LHFPL3: variants seen among roughly 807,000 people sequenced by gnomAD.
The protein encoded by LHFPL3 is LHFPL tetraspan subfamily member 3 protein.
A neutral mutation model predicts 19.3 loss-of-function variants in LHFPL3; 5 were observed. The observed-to-expected ratio is 0.26, with a 90% CI of 0.14 to 0.54. The LOEUF (loss-of-function observed/expected upper bound fraction) is 0.54, where lower values mean the gene tolerates loss of function less well. Among genes scored for constraint, LHFPL3 ranks in the 20% least tolerant of loss-of-function variants. The probability of loss-of-function intolerance (pLI) is 0.94; values close to 1 mark genes in which losing one functional copy is unlikely to be tolerated. For synonymous variants in LHFPL3, 133 were observed against 126.2 expected (o/e 1.05, Z -0.36); for missense variants, 249 against 307.4 (o/e 0.81, Z 1.42).
At chr7:104,461,222 A>T (rs1236124429) in intron 1 of LHFPL3, among the ~76,000 whole-genome samples, 1 of 152,172 alleles carries the variant, frequency 6.6e-6, no homozygotes, top group Non-Finnish European at 1.5e-5. Flanking sequence ...TCTCCTGAGA[A>T]CTCACTATTA....
At chr7:104,659,497 G>C (rs1053053952) in intron 1 of LHFPL3, among the ~76,000 whole-genome samples, 3 of 152,206 alleles carry the variant, frequency 2.0e-5, no homozygotes, top group Non-Finnish European at 2.9e-5. Context: ...CCTTTCAGGA[G>C]TACTCCATAA....
intron 1 of LHFPL3, among the ~76,000 whole-genome samples, chr7:104,654,190 A>G (rs1240133066): frequency 6.6e-6 from 1 of 152,200 alleles, no homozygotes; most frequent in Admixed American, 6.5e-5. Flanking sequence ...GAAATAGCCA[A>G]GCAGATGTGA....
intron 1 of LHFPL3, among the ~76,000 whole-genome samples, chr7:104,677,062 T>C (rs1412957377): frequency 2.0e-5 from 3 of 152,196 alleles, no homozygotes; most frequent in African/African-American, 7.2e-5. Context: ...TTAAAAACAA[T>C]GTCATATAAG....
intron 1 of LHFPL3, among the ~76,000 whole-genome samples, chr7:104,526,638 C>T (rs1401730770): frequency 2.6e-5 from 4 of 152,180 alleles, no homozygotes; most frequent in African/African-American, 9.7e-5. Context: ...ATCATATTGA[C>T]TTAAGAAATG....
chr7:104,603,855 G>A (rs1444600970), intron 1 of LHFPL3, among the ~76,000 whole-genome samples: 1 of 152,212 alleles, frequency 6.6e-6, no homozygotes, highest in African/African-American at 2.4e-5. Context: ...CTGGGGTGGG[G>A]GTTGAGCCAC....
intron 1 of LHFPL3, among the ~76,000 whole-genome samples, chr7:104,504,325 T>C (rs980407998): frequency 1.3e-5 from 2 of 152,208 alleles, no homozygotes; most frequent in Admixed American, 1.3e-4. Flanking sequence ...TTACCTTATG[T>C]TTATAAACAG....
chr7:104,868,063 T>C (rs1472796387), intron 2 of LHFPL3, among the ~76,000 whole-genome samples: 1 of 152,202 alleles, frequency 6.6e-6, no homozygotes, highest in Non-Finnish European at 1.5e-5. Context: ...AAATTAGGTA[T>C]TGATGGGATG....
intron 1 of LHFPL3, among the ~76,000 whole-genome samples, chr7:104,498,377 A>G (rs1195864464): frequency 6.6e-6 from 1 of 152,148 alleles, no homozygotes; most frequent in African/African-American, 2.4e-5. Flanking sequence ...CTTTCATTCT[A>G]GATATCTTGT....
chr7:104,881,019 T>A lies in LHFPL3; in HGVS notation c.683-25168T>A, dbSNP rs986660125. Reference sequence around the variant, plus strand: ...CCCCATCTCTACTGAAAATACAAAATATTAGCCGGGCGTGCTAGCAGGCAC... The same window carrying A: ...CCCCATCTCTACTGAAAATACAAAAAATTAGCCGGGCGTGCTAGCAGGCAC... On this transcript the variant is annotated intron_variant, in intron 2 of 2. Coordinates refer to ENST00000424859, the MANE Select transcript of LHFPL3 (RefSeq NM_199000.3). 4.0e-5 allele frequency among the ~76,000 whole-genome samples: 6 copies of A among 151,848 alleles called. No homozygotes were observed. The East Asian group carries it at 7.7e-4, about 20-fold the overall frequency.
Position 104,555,749 on chromosome 7 carries a change from T to C in LHFPL3, c.446-180926T>C, listed in dbSNP as rs1014226780. ...ACAGTCTCCCAAAGTCTTAACTCACTCCAGCATTAACTCAGAAATCCACAG... is the reference window on the plus strand; with the variant it reads ...ACAGTCTCCCAAAGTCTTAACTCACCCCAGCATTAACTCAGAAATCCACAG... On this transcript the variant is annotated intron_variant, in intron 1 of 2. Coordinates refer to ENST00000424859, the MANE Select transcript of LHFPL3 (RefSeq NM_199000.3). Among the ~76,000 whole-genome samples the C allele has an allele frequency of 3.9e-5, 6 of 152,262 alleles. No individual in the cohort carries two copies. The South Asian group carries it at 1.0e-3, about 26-fold the overall frequency.
At chr7:104,570,929 A>G (rs73409787) in intron 1 of LHFPL3, among the ~76,000 whole-genome samples, 6 of 152,172 alleles carry the variant, frequency 3.9e-5, no homozygotes, top group Admixed American at 1.3e-4. Flanking sequence ...CCATCTAATA[A>G]TCATTCTGGA....
intron 1 of LHFPL3, among the ~76,000 whole-genome samples, chr7:104,728,680 C>G (rs1186724830): frequency 6.6e-6 from 1 of 152,166 alleles, no homozygotes; most frequent in South Asian, 2.1e-4. Flanking sequence ...CCTTTAGTTT[C>G]TTTCCTAGTT....
Position 104,551,868 on chromosome 7 carries a change from A to T in LHFPL3, c.446-184807A>T, listed in dbSNP as rs150229120. Among the ~76,000 whole-genome samples, 345 of 152,210 alleles carry T rather than the reference A, an allele frequency of 2.3e-3. 1 individual carries two copies. The highest frequency in any genetic ancestry group is 8.1e-3 in the African/African-American group (336 of 41,526). ...GCACAATCTACAAGAGGAGATCCTT[A>T]TTTTTCAGCAACTTGGACATCTGGT... On this transcript the variant is annotated intron_variant, in intron 1 of 2. Coordinates refer to ENST00000424859, the MANE Select transcript of LHFPL3 (RefSeq NM_199000.3).
chr7:104,681,651 A>G lies in LHFPL3; in HGVS notation c.446-55024A>G, dbSNP rs372775857. 2.2e-4 allele frequency among the ~76,000 whole-genome samples: 33 copies of G among 152,122 alleles called. No individual in the cohort carries two copies. In the East Asian group the frequency reaches 6.0e-3, roughly 28 times the overall value. On this transcript the variant is annotated intron_variant, in intron 1 of 2. Transcript: ENST00000424859. ...AAAAAAGGAAGGGAGGGAGGAAGAAAGGAAGGGTACATTATCAAATTTAAT... is the reference window on the plus strand; with the variant it reads ...AAAAAAGGAAGGGAGGGAGGAAGAAGGGAAGGGTACATTATCAAATTTAAT...
intron 1 of LHFPL3, among the ~76,000 whole-genome samples, chr7:104,527,404 C>T (rs967996375): frequency 6.6e-6 from 1 of 152,036 alleles, no homozygotes; most frequent in Admixed American, 6.6e-5. Context: ...AAAGTGTGTT[C>T]TTACGTGGGA....
chr7:104,860,580 C>G (rs1381210695), intron 2 of LHFPL3, among the ~76,000 whole-genome samples: 2 of 152,324 alleles, frequency 1.3e-5, no homozygotes, highest in East Asian at 1.9e-4. Flanking sequence ...ATCTTGCAGT[C>G]TCTTCACAAA....
At chr7:104,704,306 G>C (rs1793149100) in intron 1 of LHFPL3, among the ~76,000 whole-genome samples, 1 of 152,058 alleles carries the variant, frequency 6.6e-6, no homozygotes, top group African/African-American at 2.4e-5. Context: ...AGTTTTTCTA[G>C]ACTGCTTCAA....
chr7:104,606,975 T>C (rs1487573709), intron 1 of LHFPL3, among the ~76,000 whole-genome samples: 3 of 152,248 alleles, frequency 2.0e-5, no homozygotes, highest in Admixed American at 6.5e-5. Context: ...AAAACAATCT[T>C]AGGTTCTACA....
intron 1 of LHFPL3, among the ~76,000 whole-genome samples, chr7:104,416,360 T>C (rs1365471302): frequency 2.6e-5 from 4 of 152,182 alleles, no homozygotes; most frequent in South Asian, 4.1e-4. Context: ...ATAACAAATA[T>C]CTGTTGTTGA....
Sources: gnomAD v4.1 joint callset for allele counts (sites outside exome capture counted in the v4.1 genomes callset) on GRCh38, gnomAD v4.1.1 for gene constraint, MANE v1.5 for transcripts, NCBI Gene and HGNC (gene_info 2026-07-23, HGNC 2026-07-21) for gene names.